QPCT: variants seen among roughly 807,000 people sequenced by gnomAD.
QPCT encodes the protein glutaminyl-peptide cyclotransferase.
QPCT carries 44 observed loss-of-function variants against 43.4 expected under a neutral mutation model. That is an observed-to-expected ratio of 1.01 (90% CI 0.80 to 1.30). The LOEUF is 1.30. Ranked by LOEUF, QPCT falls within the 50% of genes most tolerant of loss-of-function variation. The pLI is 0.00. For synonymous variants in QPCT, 168 were observed against 168.4 expected (o/e 1.00, Z 0.02); for missense variants, 526 against 436.5 (o/e 1.21, Z -1.83).
chr2:37,371,578 T>C (rs182783591), intron 5 of QPCT, among the ~76,000 whole-genome samples: 1 of 152,032 alleles, frequency 6.6e-6, no homozygotes, highest in East Asian at 1.9e-4. Flanking sequence ...TGATTACTAG[T>C]TGGTTTAGTT....
chr2:37,362,793 A>G (rs1052033085), intron 3 of QPCT, among the ~76,000 whole-genome samples: 1 of 152,210 alleles, frequency 6.6e-6, no homozygotes, highest in African/African-American at 2.4e-5. Context: ...TAGAGATGTG[A>G]TAAGCTGAGG....
chr2:37,367,953 G>T (rs962998332), intron 4 of QPCT, among the ~76,000 whole-genome samples: 6 of 152,134 alleles, frequency 3.9e-5, no homozygotes, highest in African/African-American at 1.4e-4. Flanking sequence ...GTAAAAAATT[G>T]GATTACAGGA....
chr2:37,357,685 A>T (rs1335437306), intron 2 of QPCT, among the ~76,000 whole-genome samples: 7 of 152,348 alleles, frequency 4.6e-5, no homozygotes, highest in African/African-American at 1.7e-4. Flanking sequence ...AGGAGTCTCT[A>T]GCTGGGGAAT....
chr2:37,369,628 G>A, intron 4 of QPCT, 57 bp from the exon 5 acceptor site: 1 of 1,285,444 alleles, frequency 7.8e-7, no homozygotes, highest in Non-Finnish European at 1.1e-6. Flanking sequence ...TTTCCCTGTT[G>A]ATGAATATAA....
chr2:37,366,470 G>T (rs994818927), intron 3 of QPCT, among the ~76,000 whole-genome samples: 2 of 152,176 alleles, frequency 1.3e-5, no homozygotes, highest in African/African-American at 4.8e-5. Context: ...TTCAAGGGAA[G>T]GGCTATAATT....
intron 3 of QPCT, among the ~76,000 whole-genome samples, chr2:37,364,388 G>T (rs139313238): frequency 2.0e-5 from 3 of 152,144 alleles, no homozygotes; most frequent in African/African-American, 7.2e-5. Context: ...CCTAGTGGTC[G>T]GTCCAGGCTG....
chr2:37,367,302 A>G lies in QPCT; in HGVS notation c.617A>G (p.His206Arg), dbSNP rs1354172190. 4 of 1,613,998 alleles carry G rather than the reference A, an allele frequency of 2.5e-6. No individual in the cohort carries two copies. The South Asian group carries it at 3.3e-5, about 13-fold the overall frequency. ...TTTGATGGTGAAGAGGCTTTTCTTC[A>G]CTGGTCTCCTCAAGATTCTCTCTAT... ...IFFDGEEAFL[H>R]WSPQDSLYGS... The change falls in exon 4 of 7, where the codon CAC becomes CGC. Residue 206 changes from histidine (H) to arginine (R), a missense_variant. Physicochemically the swap from His to Arg is conservative, Grantham distance 29. Transcript: ENST00000338415.
rs985643660 is a variant in QPCT at position 37,367,141 on chromosome 2, C to T, written c.547-91C>T. ...TTGGTATCTTCCTTTCTTTATGGCACATCTATCTTTTTGCCCAATTAATAG... is the reference window on the plus strand; with the variant it reads ...TTGGTATCTTCCTTTCTTTATGGCATATCTATCTTTTTGCCCAATTAATAG... On this transcript the variant is annotated intron_variant, in intron 3 of 6. Coordinates refer to ENST00000338415, the MANE Select transcript of QPCT (RefSeq NM_012413.4). 2.6e-5 allele frequency: 36 copies of T among 1,360,568 alleles called. No individual in the cohort carries two copies. The Admixed American group carries it at 7.3e-4, about 28-fold the overall frequency. 84.3% of individuals were successfully genotyped at this position (1,360,568 alleles called of 1,614,324 possible).
chr2:37,360,297 A>C (rs2124937878), intron 3 of QPCT, among the ~76,000 whole-genome samples: 1 of 152,304 alleles, frequency 6.6e-6, no homozygotes, highest in East Asian at 1.9e-4. Flanking sequence ...TCTGAAGTGG[A>C]GAGTGGGTAA....
intron 3 of QPCT, 73 bp from the exon 4 acceptor site, chr2:37,367,159 A>G (rs557281914): frequency 8.8e-6 from 13 of 1,469,276 alleles, no homozygotes; most frequent in South Asian, 7.8e-5. Context: ...TTTTTGCCCA[A>G]TTAATAGAAA....
rs1368650871 is a variant in QPCT at position 37,372,684 on chromosome 2, G to A, written c.943G>A (p.Val315Ile). 2.1e-5 allele frequency: 34 copies of A among 1,612,116 alleles called. No homozygotes were observed. The highest frequency in any genetic ancestry group is 2.7e-5 in the Non-Finnish European group (32 of 1,179,362). The part of the protein sequence containing the change: ...DDHIPFLRRG[V>I]PVLHLIPSPF... Reference sequence around the variant, plus strand: ...ACAAGTTGGTTCTTTCTTAATAGGTGTTCCAGTTCTGCATCTGATACCGTC... The same window carrying A: ...ACAAGTTGGTTCTTTCTTAATAGGTATTCCAGTTCTGCATCTGATACCGTC... The change falls in exon 7 of 7, where the codon GTT becomes ATT. Residue 315 changes from valine (V) to isoleucine (I), a missense_variant and splice_region_variant. By Grantham distance (29) the Val-to-Ile change is conservative. Transcript: ENST00000338415.
intron 4 of QPCT, among the ~76,000 whole-genome samples, chr2:37,369,100 G>T (rs1338864864): frequency 1.3e-5 from 2 of 152,110 alleles, no homozygotes; most frequent in Non-Finnish European, 2.9e-5. Flanking sequence ...GAGAGTCCTC[G>T]TGATGAGATG....
intron 1 of QPCT, among the ~76,000 whole-genome samples, chr2:37,349,505 C>G (rs953406889): frequency 6.6e-6 from 1 of 152,180 alleles, no homozygotes; most frequent in African/African-American, 2.4e-5. Flanking sequence ...CATTTAAACA[C>G]AAGTGATTTC....
rs776619121 is a variant in QPCT at position 37,372,826 on chromosome 2, A to T, written c.1085A>T (p.Ter362LeuextTer6). 44 of 1,604,492 alleles carry T rather than the reference A, an allele frequency of 2.7e-5. No individual in the cohort carries two copies. Among genetic ancestry groups the T allele is most frequent in the Admixed American group, 8.5e-5 (5 of 58,660 alleles). Residue 362 changes from the stop codon to leucine, a stop_lost, in exon 7 of 7, where the codon TAA (stop) becomes TTA (leucine). Transcript: ENST00000338415. Reference protein sequence around the residue: ...QVFVLEYLHL* With the variant: ...QVFVLEYLHLL ...TTTGTGTTGGAATATCTTCATTTGT[A>T]ATACTCTGATTTAGTTTAGGATAAT...
In QPCT at chr2:37,352,807, A is replaced by G. The variant is rs775678218; in HGVS notation, c.139A>G (p.Ile47Val). The change falls in exon 2 of 7, where the codon ATT (isoleucine) becomes GTT (valine). Residue 47 changes from isoleucine to valine, a missense_variant. By Grantham distance (29) the Ile-to-Val change is conservative. Coordinates refer to ENST00000338415, the MANE Select transcript of QPCT (RefSeq NM_012413.4). ...TCCTCAGAATTACCACCAGCCAGCC[A>G]TTTTGAATTCATCGGCTCTTCGGCA... The part of the protein sequence containing the change: ...PEEKNYHQPA[I>V]LNSSALRQIA... 9 of 1,614,018 alleles carry G rather than the reference A, an allele frequency of 5.6e-6. No individual in the cohort carries two copies. Among genetic ancestry groups the G allele is most frequent in the Non-Finnish European group, 2.5e-6 (3 of 1,179,970 alleles).
chr2:37,349,980 T>C (rs946790430), intron 1 of QPCT, among the ~76,000 whole-genome samples: 6 of 152,152 alleles, frequency 3.9e-5, no homozygotes, highest in African/African-American at 4.8e-5. Context: ...GTGGCCTGTG[T>C]GGGAGAGAGA....
At chr2:37,353,033 G>A in intron 2 of QPCT, 98 bp downstream of exon 2, 1 of 1,372,534 alleles carries the variant, frequency 7.3e-7, no homozygotes, top group Middle Eastern at 2.1e-4. Flanking sequence ...CTAATATTCA[G>A]ATCTGTCATC....
At chr2:37,367,196 A>AT (rs746234558) in intron 3 of QPCT, 36 bp from the exon 4 acceptor site, 13 of 1,566,498 alleles carry the variant, frequency 8.3e-6, no homozygotes, top group Admixed American at 3.6e-5. Flanking sequence ...TCATCACAGT[A>AT]TTTTTTTGCT....
intron 2 of QPCT, 35 bp from the exon 3 acceptor site, chr2:37,359,545 T>G (rs776038446): frequency 6.4e-7 from 1 of 1,570,744 alleles, no homozygotes; most frequent in East Asian, 2.3e-5. Context: ...GCCATTTCTT[T>G]AGATCTAAAT....
Sources: gnomAD v4.1 joint callset for allele counts (sites outside exome capture counted in the v4.1 genomes callset) on GRCh38, gnomAD v4.1.1 for gene constraint, MANE v1.5 for transcripts, NCBI Gene and HGNC (gene_info 2026-07-23, HGNC 2026-07-21) for gene names.